YJU2B: variants seen among roughly 807,000 people sequenced by gnomAD.
YJU2B encodes the protein YJU2 splicing factor homolog B, also known as probable splicing factor YJU2B.
Under a neutral mutation model 38.0 loss-of-function variants are expected in YJU2B, and 18 were observed. That is an observed-to-expected ratio of 0.47 (90% confidence interval 0.33 to 0.70). YJU2B has a LOEUF of 0.70. YJU2B is among the 30% of genes least tolerant of loss of function. The probability of loss-of-function intolerance (pLI) is 0.02; values close to 1 mark genes in which losing one functional copy is unlikely to be tolerated. For synonymous variants in YJU2B, 246 were observed against 225.4 expected, an observed-to-expected ratio of 1.09 and a Z score of -0.82; for missense variants, 538 against 556.3, an observed-to-expected ratio of 0.97 and a Z score of 0.33.
At chr19:13,740,392 G>A (rs1422107230) in intron 2 of YJU2B, among the ~76,000 whole-genome samples, 1 of 151,774 alleles carries the variant, frequency 6.6e-6, no homozygotes, top group African/African-American at 2.4e-5. Flanking sequence ...TTTGTTTTTT[G>A]TAGAGACAGG....
chr19:13,749,963 A>AG (rs1245452114), intron 1 of YJU2B, among the ~76,000 whole-genome samples: 1 of 151,966 alleles, frequency 6.6e-6, no homozygotes, highest in African/African-American at 2.4e-5. Flanking sequence ...CAAACATGAG[A>AG]GGGGGTCTCA....
chr19:13,754,473 T>G (rs1488973133), intron 3 of YJU2B, 131 bp downstream of exon 3: 3 of 741,380 alleles, frequency 4.0e-6, no homozygotes, highest in Non-Finnish European at 7.2e-6. Flanking sequence ...GTCACCTGAG[T>G]CTCGAGGCTG....
chr19:13,758,182 T>C (rs1018233927), intron 6 of YJU2B, among the ~76,000 whole-genome samples: 4 of 152,158 alleles, frequency 2.6e-5, no homozygotes, highest in Admixed American at 1.3e-4. Context: ...CCTGGAATGC[T>C]CTTCCCCAGG....
At chr19:13,741,485 T>C (rs1292638476) in intron 2 of YJU2B, among the ~76,000 whole-genome samples, 1 of 151,710 alleles carries the variant, frequency 6.6e-6, no homozygotes, top group Non-Finnish European at 1.5e-5. Context: ...GGGTCTTTCT[T>C]TGATGCCCAG....
chr19:13,757,705 G>A (rs1034779284), intron 5 of YJU2B, 81 bp from the exon 6 acceptor site: 18 of 1,403,112 alleles, frequency 1.3e-5, no homozygotes, highest in Non-Finnish European at 1.8e-5. Context: ...AAGTGACAGT[G>A]AGCCTCTTTG....
chr19:13,751,798 C>T lies in YJU2B; in HGVS notation c.-11C>T. On this transcript the variant is annotated 5_prime_UTR_variant, in exon 2 of 10. Coordinates refer to ENST00000221554, the MANE Select transcript of YJU2B (RefSeq NM_030818.4). ...CGCCCCGAGGCTGAGGACCAGTAGG[C>T]AGCTCCCAAGATGGTGAGTAGACAG... The T allele has an allele frequency of 6.2e-7, 1 of 1,614,078 alleles. No homozygotes were observed. The highest frequency in any genetic ancestry group is 8.5e-7 in the Non-Finnish European group (1 of 1,179,956).
At chr19:13,755,508 A>G (rs182460016) in intron 3 of YJU2B, among the ~76,000 whole-genome samples, 1,981 of 152,058 alleles carry the variant, frequency 0.013, 27 homozygotes, top group Non-Finnish European at 0.018. Context: ...TCCCCAGCGA[A>G]TGTTTGCCAG....
Position 13,759,077 on chromosome 19 carries a change from C to G in YJU2B, c.401-23C>G, listed in dbSNP as rs1362737469. On this transcript the variant is annotated intron_variant, in intron 7 of 9. Coordinates refer to ENST00000221554, the MANE Select transcript of YJU2B (RefSeq NM_030818.4). ...AGTCTGCGCTGGGGCCCCCAAAGCC[C>G]AGCCGAGCTCTGATCGTTGCAGAGC... 3 of 1,612,854 alleles carry G rather than the reference C, an allele frequency of 1.9e-6. No individual in the cohort carries two copies. The South Asian group carries it at 3.3e-5, about 18-fold the overall frequency.
chr19:13,763,004 C>A lies in YJU2B; in HGVS notation c.1127C>A (p.Thr376Lys), dbSNP rs149179548. ...SSQEAADTPDTRHPCSLGSSL... is the reference protein window; with the variant it reads ...SSQEAADTPDKRHPCSLGSSL... ...CAGGAGGCAGCTGACACCCCCGACA[C>A]GCGGCACCCCTGCAGTCTCGGCTCC... Residue 376 changes from threonine (T) to lysine (K), a missense_variant, in exon 10 of 10, where the codon ACG (threonine) becomes AAG (lysine). Physicochemically the swap from Thr to Lys is moderately conservative, Grantham distance 78. This residue lies in a region of YJU2B where 488 missense variants were observed against 469.5 expected (regional missense o/e 1.04). Coordinates refer to ENST00000221554, the MANE Select transcript of YJU2B (RefSeq NM_030818.4). The A allele has an allele frequency of 7.4e-4, 1,188 of 1,603,534 alleles. 7 individuals are homozygous for A. In the Admixed American group the frequency reaches 8.9e-3, roughly 12 times the overall value.
chr19:13,744,218 ATCT>A (rs1973172637), upstream of YJU2B, among the ~76,000 whole-genome samples: 1 of 152,256 alleles, frequency 6.6e-6, no homozygotes, highest in South Asian at 2.1e-4. Context: ...AGATTTAAAC[ATCT>A]TCTGATTTGC....
chr19:13,747,601 G>C (rs1224927374), upstream of YJU2B, among the ~76,000 whole-genome samples: 1 of 152,256 alleles, frequency 6.6e-6, no homozygotes, highest in African/African-American at 2.4e-5. Flanking sequence ...CTCCCAAGTA[G>C]CTGGGACTAC....
rs908775840 is a variant in YJU2B at position 13,750,857 on chromosome 19, CAAAAAAAAA to C, written c.-201-736_-201-728del. 5.9e-3 allele frequency among the ~76,000 whole-genome samples: 368 copies of C among 62,030 alleles called. 1 individual carries two copies. The highest frequency in any genetic ancestry group is 0.011 in the Middle Eastern group (1 of 94). 40.7% of individuals were successfully genotyped at this position (62,030 alleles called of 152,430 possible). A position where few individuals can be genotyped will look rare whatever the true frequency, so the allele number is the denominator to read the frequency against. On this transcript the variant is annotated intron_variant, in intron 1 of 9. Transcript: ENST00000221554. ...TGGGTGATAGAGTGAGACTCCGTCT[CAAAAAAAAA>C]AAAAAAAAAAAAAAGCCTGTAACAA...
chr19:13,751,778 C>T lies in YJU2B; in HGVS notation c.-31C>T, dbSNP rs373787392. 24 of 1,613,790 alleles carry T rather than the reference C, an allele frequency of 1.5e-5. No homozygotes were observed. The highest frequency in any genetic ancestry group is 8.8e-5 in the South Asian group (8 of 91,080). The stretch of plus-strand genomic sequence containing the variant: ...AAGGCCAGTTTCTGATCGTCCGCCC[C>T]GAGGCTGAGGACCAGTAGGCAGCTC... On this transcript the variant is annotated 5_prime_UTR_variant, in exon 2 of 10. Coordinates refer to ENST00000221554, the MANE Select transcript of YJU2B (RefSeq NM_030818.4).
intron 8 of YJU2B, among the ~76,000 whole-genome samples, chr19:13,760,345 GTCC>G (rs1973841616): frequency 6.6e-6 from 1 of 152,162 alleles, no homozygotes; most frequent in African/African-American, 2.4e-5. Context: ...TTCTAGCTGT[GTCC>G]TCATGTGGCA....
intron 1 of YJU2B, among the ~76,000 whole-genome samples, chr19:13,749,515 A>C (rs540505560): frequency 3.1e-4 from 47 of 152,334 alleles, no homozygotes; most frequent in Non-Finnish European, 1.5e-5. Context: ...AATCTGGCCT[A>C]AAAAGCTAGA....
rs766618692 is a variant in YJU2B at position 13,762,838 on chromosome 19, G to A, written c.961G>A (p.Val321Ile). The A allele has an allele frequency of 5.0e-6, 8 of 1,606,044 alleles. No homozygotes were observed. In the South Asian group the frequency reaches 8.9e-5, roughly 18 times the overall value. Residue 321 changes from valine (V) to isoleucine (I), a missense_variant, in exon 10 of 10, where the codon GTA (valine) becomes ATA (isoleucine). Transcript: ENST00000221554. ...ADTPKSGEPR[V>I]PEEAAQDRPM... is the part of the protein sequence containing the mutation. ...CACCCCCAAGTCTGGGGAACCGCGGGTACCAGAGGAGGCTGCCCAGGACCG... is the reference window on the plus strand; with the variant it reads ...CACCCCCAAGTCTGGGGAACCGCGGATACCAGAGGAGGCTGCCCAGGACCG...
chr19:13,762,294 C>T lies in YJU2B; in HGVS notation c.574-5C>T, dbSNP rs1330188532. Reference sequence around the variant, plus strand: ...TATCTCTGGTGTTCTTGGCCCTCAACACAGGAAAAGAAAAAAGCCATCCAG... The same window carrying T: ...TATCTCTGGTGTTCTTGGCCCTCAATACAGGAAAAGAAAAAAGCCATCCAG... On this transcript the variant is annotated splice_region_variant and splice_polypyrimidine_tract_variant and intron_variant, in intron 8 of 9. Transcript: ENST00000221554. The T allele has an allele frequency of 1.9e-6, 3 of 1,612,992 alleles. No homozygotes were observed. Among genetic ancestry groups the T allele is most frequent in the African/African-American group, 1.3e-5 (1 of 74,798 alleles).
At chr19:13,732,610 CTTTTTTTTTT>C (rs58605088) in intron 2 of YJU2B, 1 of 119,460 alleles carries the variant, frequency 8.4e-6, no homozygotes, top group Non-Finnish European at 1.7e-5. Context: ...TACTTTCTTT[CTTTTTTTTTT>C]TTTTTTTGCG....
intron 8 of YJU2B, among the ~76,000 whole-genome samples, chr19:13,761,155 G>A (rs996662881): frequency 2.5e-4 from 38 of 151,996 alleles, no homozygotes; most frequent in African/African-American, 8.9e-4. Flanking sequence ...TGAGGCAGGC[G>A]GATCACGAGG....
Sources: allele counts gnomAD v4.1 joint callset (sites outside exome capture counted in the v4.1 genomes callset), GRCh38; gene constraint gnomAD v4.1.1; regional missense constraint gnomAD v4.1.1; transcripts MANE v1.5; gene names NCBI Gene and HGNC (gene_info 2026-07-23, HGNC 2026-07-21).